The following LRRC73 variants were observed in gnomAD, a reference collection of about 807,000 sequenced individuals.
LRRC73 encodes the protein leucine rich repeat containing 73, also known as leucine-rich repeat-containing protein 73.
LRRC73 carries 16 observed loss-of-function variants against 26.4 expected under a neutral mutation model. The observed-to-expected ratio is 0.61, with a 90% CI of 0.41 to 0.92. LRRC73 has a LOEUF of 0.92. Ranked by LOEUF, LRRC73 falls within the 40% of genes least tolerant of loss-of-function variation. The pLI is 0.00. For synonymous variants in LRRC73, 210 were observed against 179.8 expected (o/e 1.17, Z -1.34); for missense variants, 344 against 416.3 (o/e 0.83, Z 1.51).
chr6:43,509,578 T>C (rs1421737334), exon 1 of LRRC73: 11 of 1,609,056 alleles, frequency 6.8e-6, no homozygotes, highest in Non-Finnish European at 5.9e-6. Context: ...CGGCTGGGGC[T>C]GGACACGACG....
exon 1 of LRRC73, chr6:43,509,701 C>T: frequency 6.3e-7 from 1 of 1,591,404 alleles, no homozygotes; most frequent in Non-Finnish European, 8.5e-7. Flanking sequence ...AGGCGCACGG[C>T]GTTGTCGCGA....
rs374035530 is a variant in LRRC73, at chr6:43,507,516, C to T, written c.820G>A (p.Glu274Lys). The change falls in exon 5 of 6, where the codon GAG (glutamate) becomes AAG (lysine). Residue 274 changes from glutamate to lysine, a missense_variant. Transcript: ENST00000372441. Reference sequence around the variant, plus strand: ...TGGGCAGCAGGCTCCCGCCCTCTCTCCCATTCCTGGGTGTCGCCAGCCCCT... The same window carrying T: ...TGGGCAGCAGGCTCCCGCCCTCTCTTCCATTCCTGGGTGTCGCCAGCCCCT... 106 of 1,613,378 alleles carry T rather than the reference C, an allele frequency of 6.6e-5. No homozygotes were observed. The highest frequency in any genetic ancestry group is 8.8e-5 in the Non-Finnish European group (104 of 1,180,034).
exon 6 of LRRC73, chr6:43,507,017 C>T (rs1792505966): frequency 1.8e-6 from 1 of 567,830 alleles, no homozygotes; most frequent in African/African-American, 1.9e-5. Flanking sequence ...CCAGAGCTGC[C>T]AAGTTCAAAG....
exon 1 of LRRC73, chr6:43,509,863 C>CGGGGTCGGGGCCCCGGCA (rs1355400007): frequency 1.5e-5 from 19 of 1,288,818 alleles, no homozygotes; most frequent in Non-Finnish European, 1.9e-5. Context: ...GGGATAGGGC[C>CGGGGTCGGGGCCCCGGCA]GGGGTCGGGG....
At chr6:43,507,169 C>A in exon 6 of LRRC73, 1 of 1,552,572 alleles carries the variant, frequency 6.4e-7, no homozygotes, top group Non-Finnish European at 8.8e-7. Context: ...CAGGGCCTGA[C>A]CCTGATATCT....
At chr6:43,509,429 A>C in intron 1 of LRRC73, 85 bp downstream of exon 1, 2 of 1,462,190 alleles carry the variant, frequency 1.4e-6, no homozygotes, top group Non-Finnish European at 1.8e-6. Flanking sequence ...ATGGTACTGG[A>C]AGGAGTGTGG....
chr6:43,510,159 C>T (rs1792621786), exon 1 of LRRC73: 1 of 174,592 alleles, frequency 5.7e-6, no homozygotes, highest in Non-Finnish European at 1.2e-5. Flanking sequence ...GCGGTCGCGG[C>T]GGCGGCGGCG....
At chr6:43,509,938 G>T in exon 1 of LRRC73, 1 of 537,356 alleles carries the variant, frequency 1.9e-6, no homozygotes, top group Non-Finnish European at 2.8e-6. Context: ...CGGAGGCTGC[G>T]GCTGCGGCGG....
At chr6:43,509,381 G>T in intron 1 of LRRC73, 133 bp downstream of exon 1, 1 of 1,179,840 alleles carries the variant, frequency 8.5e-7, no homozygotes, top group Non-Finnish European at 1.2e-6. Flanking sequence ...GGCATGGGCC[G>T]AGGCACGGTG....
chr6:43,509,822 AC>A, exon 1 of LRRC73: 1 of 1,455,636 alleles, frequency 6.9e-7, no homozygotes, highest in Non-Finnish European at 9.0e-7. Context: ...CGGGGCCGGA[AC>A]GGAGGTTGGT....
chr6:43,508,193 C>G, intron 3 of LRRC73, 105 bp downstream of exon 3: 1 of 1,463,744 alleles, frequency 6.8e-7, no homozygotes, highest in Non-Finnish European at 9.1e-7. Flanking sequence ...GCTCCCGTTT[C>G]TCTTCCCTCT....
At chr6:43,508,233 T>C in intron 3 of LRRC73, 65 bp downstream of exon 3, 1 of 1,536,022 alleles carries the variant, frequency 6.5e-7, no homozygotes, top group East Asian at 2.3e-5. Context: ...TGTCAACTGA[T>C]GGTCCCAGGC....
exon 1 of LRRC73, chr6:43,509,636 C>A: frequency 6.2e-7 from 1 of 1,601,802 alleles, no homozygotes. Context: ...CGGCCAGGGC[C>A]CGGCAGATGC....
In LRRC73 at chr6:43,508,327, C is replaced by T. The variant is rs1296024422; in HGVS notation, c.527G>A (p.Arg176His). The change falls in exon 3 of 6, where the codon CGC (arginine) becomes CAC (histidine). Residue 176 changes from arginine to histidine, a missense_variant. By Grantham distance (29) the Arg-to-His change is conservative (BLOSUM62 0). Transcript: ENST00000372441. Reference sequence around the variant, plus strand: ...GGGGTTGTAATCCAGATTGAGGACGCGGACCTGGGAGCTGTGGGCCACGGC... The same window carrying T: ...GGGGTTGTAATCCAGATTGAGGACGTGGACCTGGGAGCTGTGGGCCACGGC... 3.7e-6 allele frequency: 6 copies of T among 1,613,142 alleles called. No individual in the cohort carries two copies. Among genetic ancestry groups the T allele is most frequent in the African/African-American group, 1.3e-5 (1 of 74,906 alleles).
At chr6:43,507,378 C>T in intron 5 of LRRC73, 70 bp from the exon 6 acceptor site, 1 of 1,608,870 alleles carries the variant, frequency 6.2e-7, no homozygotes, top group East Asian at 2.2e-5. Flanking sequence ...TAGGTGAGAG[C>T]CTAGGTTCTG....
exon 3 of LRRC73, chr6:43,508,413 C>T (rs1230698824): frequency 2.5e-6 from 4 of 1,613,496 alleles, no homozygotes; most frequent in Admixed American, 1.7e-5. Context: ...GCGTTAGCTC[C>T]TTCAAGCCTG....
At chr6:43,508,267 G>GTCAA (rs777709842) in intron 3 of LRRC73, 31 bp downstream of exon 3, 3 of 1,587,246 alleles carry the variant, frequency 1.9e-6, no homozygotes, top group Non-Finnish European at 2.6e-6. Context: ...ATGAGGCAGT[G>GTCAA]ACAGCCCAAG....
intron 4 of LRRC73, 49 bp downstream of exon 4, chr6:43,507,777 T>C (rs201472955): frequency 3.8e-6 from 6 of 1,598,392 alleles, no homozygotes; most frequent in Non-Finnish European, 5.1e-6. Context: ...ACACATAAAC[T>C]AACCTCCACC....
chr6:43,508,058 G>T, intron 3 of LRRC73, 132 bp from the exon 4 acceptor site: 1 of 1,006,310 alleles, frequency 9.9e-7, no homozygotes, highest in Non-Finnish European at 1.5e-6. Context: ...TGGTGGTCAG[G>T]AAGGGATCAT....
Sources: gnomAD v4.1 joint callset for allele counts on GRCh38, gnomAD v4.1.1 for gene constraint, MANE v1.5 for transcripts, NCBI Gene and HGNC (gene_info 2026-07-23, HGNC 2026-07-21) for gene names.